LINGO2: variants seen among roughly 807,000 people sequenced by gnomAD.
LINGO2 encodes leucine-rich repeat and immunoglobulin-like domain-containing nogo receptor-interacting protein 2.
Under a neutral mutation model 30.6 loss-of-function variants are expected in LINGO2, and 14 were observed. The ratio of observed to expected loss-of-function variants is 0.46; its 90% CI spans 0.30 to 0.72. The LOEUF (loss-of-function observed/expected upper bound fraction) is 0.72, where lower values mean the gene tolerates loss of function less well. Among genes scored for constraint, LINGO2 ranks in the 30% least tolerant of loss-of-function variants. The pLI is 0.07. For synonymous variants in LINGO2, 317 were observed against 288.5 expected (o/e 1.10, Z -1.00); for missense variants, 729 against 751.7 (o/e 0.97, Z 0.35).
intron 2 of LINGO2, among the ~76,000 whole-genome samples, chr9:28,470,835 A>G (rs924435511): frequency 6.7e-6 from 1 of 150,238 alleles, no homozygotes; most frequent in Non-Finnish European, 1.5e-5. Context: ...GCATACATTT[A>G]ATGACATAAG....
chr9:28,825,171 T>G, the LINGO2 span, among the ~76,000 whole-genome samples: 44 of 152,138 alleles, frequency 2.9e-4, no homozygotes, highest in Non-Finnish European at 3.1e-4. Context: ...CAAAAGTTTT[T>G]TCTTTTCTCG....
At chr9:28,411,444 C>T (rs1318088441) in intron 2 of LINGO2, among the ~76,000 whole-genome samples, 1 of 152,064 alleles carries the variant, frequency 6.6e-6, no homozygotes, top group African/African-American at 2.4e-5. Context: ...ATCATCACCA[C>T]CATCCATCTC....
At chr9:28,189,085 G>A (rs918775766) in intron 4 of LINGO2, among the ~76,000 whole-genome samples, 10 of 151,980 alleles carry the variant, frequency 6.6e-5, no homozygotes, top group African/African-American at 9.7e-5. Context: ...GCCAACTTTT[G>A]TCTTAGGTAC....
the LINGO2 span, among the ~76,000 whole-genome samples, chr9:28,865,985 C>T: frequency 6.6e-6 from 1 of 152,066 alleles, no homozygotes; most frequent in Non-Finnish European, 1.5e-5. Flanking sequence ...ATATGCTCTC[C>T]ATATGTAGCA....
At chr9:28,117,582 C>T (rs1475602898) in intron 4 of LINGO2, among the ~76,000 whole-genome samples, 5 of 104,824 alleles carry the variant, frequency 4.8e-5, no homozygotes, top group African/African-American at 1.9e-4. Context: ...GCGTAGGACC[C>T]TCTGAGCCAG....
intron 5 of LINGO2, among the ~76,000 whole-genome samples, chr9:27,975,134 G>A (rs1458888568): frequency 6.6e-6 from 1 of 152,038 alleles, no homozygotes; most frequent in East Asian, 1.9e-4. Context: ...TAAATATTTA[G>A]ATCTTTAATA....
chr9:28,529,729 C>G (rs1195821693), intron 1 of LINGO2, among the ~76,000 whole-genome samples: 1 of 149,166 alleles, frequency 6.7e-6, no homozygotes, highest in East Asian at 2.0e-4. Flanking sequence ...TACATAAATA[C>G]AAAACATAAT....
intron 4 of LINGO2, among the ~76,000 whole-genome samples, chr9:28,089,996 T>A (rs1216974269): frequency 6.6e-6 from 1 of 152,076 alleles, no homozygotes; most frequent in East Asian, 1.9e-4. Context: ...CATATACACC[T>A]TCCAAGACTA....
chr9:28,634,485 C>CTTTTTTTTTTTTTTTTTTTTTT (rs755583837), intron 1 of LINGO2, among the ~76,000 whole-genome samples: 1 of 124,672 alleles, frequency 8.0e-6, no homozygotes, highest in Admixed American at 8.9e-5. Context: ...TTCTTTTTTT[C>CTTTTTTTTTTTTTTTTTTTTTT]TTTTTTTTTT....
chr9:29,061,772 G>T, the LINGO2 span, among the ~76,000 whole-genome samples: 3 of 152,006 alleles, frequency 2.0e-5, no homozygotes, highest in Admixed American at 2.0e-4. Flanking sequence ...TTGACAATAG[G>T]ATTTCTTGGA....
At chr9:28,954,314 G>C in the LINGO2 span, among the ~76,000 whole-genome samples, 10 of 152,104 alleles carry the variant, frequency 6.6e-5, no homozygotes, top group African/African-American at 2.4e-4. Flanking sequence ...AGTACTTTTT[G>C]TTCTAGAAAA....
the LINGO2 span, among the ~76,000 whole-genome samples, chr9:29,004,773 C>CA: frequency 6.6e-6 from 1 of 151,836 alleles, no homozygotes; most frequent in Admixed American, 6.6e-5. Flanking sequence ...CACACACACA[C>CA]ACAAAACATC....
At chr9:28,456,638 A>G (rs368059381) in intron 2 of LINGO2, among the ~76,000 whole-genome samples, 34 of 152,262 alleles carry the variant, frequency 2.2e-4, no homozygotes, top group East Asian at 2.1e-3. Flanking sequence ...AACCAGTGCC[A>G]TCTTTCTCTA....
At chr9:28,675,529 CAAACA>C in the LINGO2 span, among the ~76,000 whole-genome samples, 4 of 151,916 alleles carry the variant, frequency 2.6e-5, no homozygotes, top group African/African-American at 9.6e-5. Context: ...AACTTTTAAA[CAAACA>C]AAAGTTTATA....
the LINGO2 span, among the ~76,000 whole-genome samples, chr9:29,032,318 A>C: frequency 6.6e-6 from 1 of 152,272 alleles, no homozygotes; most frequent in East Asian, 1.9e-4. Context: ...TTCCTGCTGT[A>C]ATTGGAGGGT....
intron 4 of LINGO2, among the ~76,000 whole-genome samples, chr9:28,140,619 T>G (rs1827645450): frequency 6.6e-6 from 1 of 152,202 alleles, no homozygotes; most frequent in African/African-American, 2.4e-5. Context: ...TGCCTTAAAA[T>G]CCAAGTGAAA....
chr9:28,552,826 C>A (rs1429052743), intron 1 of LINGO2, among the ~76,000 whole-genome samples: 4 of 150,668 alleles, frequency 2.7e-5, no homozygotes, highest in African/African-American at 7.3e-5. Context: ...AGCTTTTCAA[C>A]TTTACCCCCT....
upstream of LINGO2, among the ~76,000 whole-genome samples, chr9:28,673,318 A>C (rs1256726060): frequency 1.3e-5 from 2 of 152,138 alleles, no homozygotes; most frequent in Admixed American, 1.3e-4. Context: ...GATTTATTAG[A>C]TTCTTCTCAC....
At chr9:28,400,620 A>G (rs991757230) in intron 2 of LINGO2, among the ~76,000 whole-genome samples, 1 of 152,344 alleles carries the variant, frequency 6.6e-6, no homozygotes, top group South Asian at 2.1e-4. Flanking sequence ...ATAATATTCT[A>G]TGCATAGTGT....
Sources: allele counts gnomAD v4.1 joint callset (sites outside exome capture counted in the v4.1 genomes callset), GRCh38; gene constraint gnomAD v4.1.1; transcripts MANE v1.5; gene names NCBI Gene and HGNC (gene_info 2026-07-23, HGNC 2026-07-21).